Variants in MTF1 observed in about 807,000 individuals in gnomAD.
MTF1 encodes the protein MRE-binding transcription factor.
MTF1 carries 22 observed loss-of-function variants against 70.4 expected under a neutral mutation model. The ratio of observed to expected loss-of-function variants is 0.31; its 90% CI spans 0.22 to 0.45. The LOEUF (loss-of-function observed/expected upper bound fraction) is 0.45. Among genes scored for constraint, MTF1 ranks in the 20% least tolerant of loss-of-function variants. The pLI, the probability that MTF1 is intolerant of heterozygous loss-of-function variation, is 1.00. For missense variants in MTF1, 649 were observed against 922.0 expected (o/e 0.70, Z 3.83); for synonymous variants, 333 against 352.8 (o/e 0.94, Z 0.63).
Position 37,835,761 on chromosome 1 carries a change from A to C in MTF1, c.780-17T>G. 6.2e-7 allele frequency: 1 copy of C among 1,608,800 alleles called. No individual in the cohort carries two copies. The highest frequency in any genetic ancestry group is 8.5e-7 in the Non-Finnish European group (1 of 1,175,166). On this transcript the variant is annotated splice_polypyrimidine_tract_variant and intron_variant, in intron 4 of 10. Transcript: ENST00000373036. ...TGATCGCACCTAAATTTGTTAAGGA[A>C]AGAGAAACAGGAGTCATTAGCTAAT...
At position 37,817,313 on chromosome 1, in the gene MTF1, T is replaced by C. The variant is rs187878801; in HGVS notation, c.1831+106A>G. Reference sequence around the variant, plus strand: ...AATGTGAAGAATTTAACTGAGGCTGTTTAAAGATTTTTAAAGTTTTAGAAA... The same window carrying C: ...AATGTGAAGAATTTAACTGAGGCTGCTTAAAGATTTTTAAAGTTTTAGAAA... On this transcript the variant is annotated intron_variant, in intron 10 of 10. Coordinates refer to ENST00000373036, the MANE Select transcript of MTF1 (RefSeq NM_005955.3). 266 of 751,400 alleles carry C rather than the reference T, an allele frequency of 3.5e-4. No individual in the cohort carries two copies. The African/African-American group carries it at 4.0e-3, about 11-fold the overall frequency. 46.5% of individuals were successfully genotyped at this position (751,400 alleles called of 1,614,324 possible).
At position 37,840,397 on chromosome 1, in the gene MTF1, A is replaced by C; in HGVS notation, c.409-239T>G. The C allele has an allele frequency of 1.7e-6, 1 of 573,320 alleles. No individual in the cohort carries two copies. Among genetic ancestry groups the C allele is most frequent in the South Asian group, 1.7e-5 (1 of 58,772 alleles). The allele number at this position is 573,320 out of a possible 1,614,324, so 35.5% of individuals were successfully genotyped here. ...AGTCTATATGTAGATGAATATTCTA[A>C]ATGAACATAAGAATGTTTTCAGACT... On this transcript the variant is annotated intron_variant, in intron 2 of 10. Transcript: ENST00000373036. The surrounding 1 kb of genome is among the most constrained non-coding windows in gnomAD (Gnocchi z 4.5).
chr1:37,849,767 A>G (rs566342834), intron 2 of MTF1, among the ~76,000 whole-genome samples: 2 of 152,288 alleles, frequency 1.3e-5, no homozygotes, highest in South Asian at 2.1e-4. Context: ...CATGCCTTTA[A>G]TCCCAGCAGC....
intron 2 of MTF1, among the ~76,000 whole-genome samples, chr1:37,847,021 C>T (rs943094794): frequency 1.3e-5 from 2 of 152,002 alleles, no homozygotes; most frequent in African/African-American, 4.8e-5. Context: ...TTCCCCACAC[C>T]GGCACTGGTA....
At chr1:37,847,003 C>T (rs1417082538) in intron 2 of MTF1, among the ~76,000 whole-genome samples, 1 of 152,120 alleles carries the variant, frequency 6.6e-6, no homozygotes, top group Non-Finnish European at 1.5e-5. Flanking sequence ...TCTCTGTGTC[C>T]GACTCCATTC....
At chr1:37,850,566 A>AG in intron 2 of MTF1, among the ~76,000 whole-genome samples, 1 of 146,640 alleles carries the variant, frequency 6.8e-6, no homozygotes, top group East Asian at 2.0e-4. Context: ...GGGAGAGAGA[A>AG]AGAGAGAGAG....
chr1:37,856,669 T>A (rs1185100297), intron 2 of MTF1, among the ~76,000 whole-genome samples: 5 of 151,600 alleles, frequency 3.3e-5, no homozygotes, highest in African/African-American at 1.2e-4. Context: ...CTGGCTAATT[T>A]TTGTATTTTT....
At position 37,840,991 on chromosome 1, in the gene MTF1, C is replaced by A; in HGVS notation, c.409-833G>T. ...AGGCTGAGAACAAGGAGTGGATGCC[C>A]ATCACCAAGCTGGGCTGCCTGGTCC... On this transcript the variant is annotated intron_variant, in intron 2 of 10. Transcript: ENST00000373036. The surrounding 1 kb of genome is among the most constrained non-coding windows in gnomAD (Gnocchi z 4.5). 1 of 215,996 alleles carries A rather than the reference C, an allele frequency of 4.6e-6. No individual in the cohort carries two copies. 13.4% of individuals were successfully genotyped at this position (215,996 alleles called of 1,614,324 possible).
intron 7 of MTF1, among the ~76,000 whole-genome samples, chr1:37,827,465 C>T (rs942103192): frequency 1.3e-5 from 2 of 152,014 alleles, no homozygotes; most frequent in Non-Finnish European, 2.9e-5. Context: ...TCACGCCATT[C>T]TCCTGCCTCA....
At chr1:37,836,079 G>T (rs1231674988) in intron 4 of MTF1, among the ~76,000 whole-genome samples, 2 of 152,112 alleles carry the variant, frequency 1.3e-5, no homozygotes, top group Non-Finnish European at 2.9e-5. Context: ...GATTACAGAC[G>T]TGAACCACTG....
In MTF1 at chr1:37,810,945, A is replaced by G. The variant is rs1009407132; in HGVS notation, c.*4191T>C. On this transcript the variant is annotated 3_prime_UTR_variant, in exon 11 of 11. Coordinates refer to ENST00000373036, the MANE Select transcript of MTF1 (RefSeq NM_005955.3). ...GCCCCCTGCCACCCATGCCTCCCCA[A>G]ACATATTTCTGATTGGTGGTGTAAG... The G allele has an allele frequency of 3.9e-5, 6 of 152,716 alleles. No homozygotes were observed. The highest frequency in any genetic ancestry group is 2.1e-4 in the South Asian group (1 of 4,828). 9.5% of individuals were successfully genotyped at this position (152,716 alleles called of 1,614,324 possible).
rs568437315 is a variant in MTF1 at position 37,813,344 on chromosome 1, A to C, written c.*1792T>G. On this transcript the variant is annotated 3_prime_UTR_variant, in exon 11 of 11. Coordinates refer to ENST00000373036, the MANE Select transcript of MTF1 (RefSeq NM_005955.3). ...ATGAGAAATTGGCTGCTTGTAGTTA[A>C]GATTTCTTACTGCCATTTCTCCTCA... The C allele has an allele frequency of 6.6e-6, 1 of 152,286 alleles. No homozygotes were observed. The highest frequency in any genetic ancestry group is 2.4e-5 in the African/African-American group (1 of 41,560). 9.4% of individuals were successfully genotyped at this position (152,286 alleles called of 1,614,324 possible).
At position 37,809,878 on chromosome 1, in the gene MTF1, TG is replaced by T. The variant is rs1243797271; in HGVS notation, c.*5257del. ...TTTACATAATCCAAATAAAACTATTTGGGATTTTAAAAGTTGTCACCAAGAC... is the reference window on the plus strand; with the variant it reads ...TTTACATAATCCAAATAAAACTATTTGGATTTTAAAAGTTGTCACCAAGAC... On this transcript the variant is annotated 3_prime_UTR_variant, in exon 11 of 11. Transcript: ENST00000373036. 19 of 152,716 alleles carry T rather than the reference TG, an allele frequency of 1.2e-4. No homozygotes were observed. The highest frequency in any genetic ancestry group is 1.0e-3 in the Admixed American group (16 of 15,304). The allele number at this position is 152,716 out of a possible 1,614,324, so 9.5% of individuals were successfully genotyped here.
chr1:37,824,255 T>G lies in MTF1; in HGVS notation c.1069-443A>C, dbSNP rs1470075867. On this transcript the variant is annotated intron_variant, in intron 7 of 10. Transcript: ENST00000373036. ...CGGGCACATGCATCCATTTATATATTATCTGTGCTACTTTTGCTACAATGG... is the reference window on the plus strand; with the variant it reads ...CGGGCACATGCATCCATTTATATATGATCTGTGCTACTTTTGCTACAATGG... Among the ~76,000 whole-genome samples the G allele has an allele frequency of 2.0e-5, 3 of 152,326 alleles. No individual in the cohort carries two copies. In the East Asian group the frequency reaches 5.8e-4, roughly 29 times the overall value.
chr1:37,817,543 C>T, intron 9 of MTF1, 61 bp from the exon 10 acceptor site: 1 of 1,166,868 alleles, frequency 8.6e-7, no homozygotes, highest in Non-Finnish European at 1.3e-6. Flanking sequence ...CCCCAGGGAC[C>T]TGAAGCCTCA....
Position 37,814,313 on chromosome 1 carries a change from G to A in MTF1, c.*823C>T, listed in dbSNP as rs76625135. The A allele has an allele frequency of 0.047, 7,111 of 152,314 alleles. 220 individuals carry two copies. The highest frequency in any genetic ancestry group is 0.077 in the Admixed American group (1,172 of 15,300). 9.4% of individuals were successfully genotyped at this position (152,314 alleles called of 1,614,324 possible). ...CAAGTTCACTCTAGGACAAAACAGC[G>A]ATGTTCCCCAAGGAAAATTCACTGC... On this transcript the variant is annotated 3_prime_UTR_variant, in exon 11 of 11. Transcript: ENST00000373036.
chr1:37,832,821 A>T (rs1476676802), intron 6 of MTF1, among the ~76,000 whole-genome samples: 1 of 152,130 alleles, frequency 6.6e-6, no homozygotes, highest in Non-Finnish European at 1.5e-5. Flanking sequence ...CCTGGCCAAC[A>T]TAGTGAAACC....
At chr1:37,853,811 ACT>A in intron 2 of MTF1, among the ~76,000 whole-genome samples, 1 of 152,228 alleles carries the variant, frequency 6.6e-6, no homozygotes, top group African/African-American at 2.4e-5. Context: ...CATTTACCAC[ACT>A]GTGTTTGCTG....
chr1:37,814,983 C>T lies in MTF1; in HGVS notation c.*153G>A. ...AGAATAGTTCCTTAAAATGGATGCTCCTGGGATGTGAATAAAGAAAATACG... is the reference window on the plus strand; with the variant it reads ...AGAATAGTTCCTTAAAATGGATGCTTCTGGGATGTGAATAAAGAAAATACG... On this transcript the variant is annotated 3_prime_UTR_variant, in exon 11 of 11. Transcript: ENST00000373036. 1 of 673,734 alleles carries T rather than the reference C, an allele frequency of 1.5e-6. No individual in the cohort carries two copies. Among genetic ancestry groups the T allele is most frequent in the Non-Finnish European group, 2.5e-6 (1 of 399,524 alleles). 41.7% of individuals were successfully genotyped at this position (673,734 alleles called of 1,614,324 possible). A position where few individuals can be genotyped will look rare whatever the true frequency, so the allele number is the denominator to read the frequency against.
Sources: allele counts gnomAD v4.1 joint callset (sites outside exome capture counted in the v4.1 genomes callset), GRCh38; gene constraint gnomAD v4.1.1; non-coding constraint Gnocchi (gnomAD v3.1); transcripts MANE v1.5; gene names NCBI Gene and HGNC (gene_info 2026-07-23, HGNC 2026-07-21).